The following PTPRM variants were observed in gnomAD, a reference collection of about 807,000 sequenced individuals.
The protein encoded by PTPRM is receptor-type tyrosine-protein phosphatase mu.
A neutral mutation model predicts 186.7 loss-of-function variants in PTPRM; 47 were observed. The ratio of observed to expected loss-of-function variants is 0.25; its 90% CI spans 0.20 to 0.32. PTPRM has a LOEUF of 0.32. PTPRM is among the 10% of genes least tolerant of loss of function. PTPRM has a pLI of 1.00. For synonymous variants in PTPRM, 668 were observed against 674.9 expected, an observed-to-expected ratio of 0.99 and a Z score of 0.16; for missense variants, 1,494 against 1,865.0, an observed-to-expected ratio of 0.80 and a Z score of 3.66.
chr18:8,310,038 A>G (rs1422201483), intron 20 of PTPRM, among the ~76,000 whole-genome samples: 1 of 152,018 alleles, frequency 6.6e-6, no homozygotes, highest in African/African-American at 2.4e-5. Context: ...CACCCACCCC[A>G]AGCTGGCTTT....
intron 11 of PTPRM, among the ~76,000 whole-genome samples, chr18:8,093,293 T>C (rs747600452): frequency 1.4e-4 from 21 of 152,108 alleles, no homozygotes; most frequent in Admixed American, 1.2e-3. Flanking sequence ...GAAGACTAAA[T>C]GAGGTGATAT....
intron 14 of PTPRM, among the ~76,000 whole-genome samples, chr18:8,183,432 T>C (rs1174997557): frequency 2.0e-5 from 3 of 152,188 alleles, no homozygotes; most frequent in Non-Finnish European, 2.9e-5. Context: ...TGCGATGACA[T>C]AAAGGAAGAG....
Position 7,907,560 on chromosome 18 carries a change from TG to T in PTPRM, c.547+979del, listed in dbSNP as rs147563405. ...AGACATTCTGCGCTGATTTGGGCCTTGGCATCTTTGGCCTTAGGTGCAAAGC... is the reference window on the plus strand; with the variant it reads ...AGACATTCTGCGCTGATTTGGGCCTTGCATCTTTGGCCTTAGGTGCAAAGC... On this transcript the variant is annotated intron_variant, in intron 4 of 32. Coordinates refer to ENST00000580170, the MANE Select transcript of PTPRM (RefSeq NM_001105244.2). 2.5e-3 allele frequency among the ~76,000 whole-genome samples: 376 copies of T among 152,294 alleles called. 2 individuals carry two copies. Among genetic ancestry groups the T allele is most frequent in the African/African-American group, 8.8e-3 (366 of 41,572 alleles).
intron 19 of PTPRM, among the ~76,000 whole-genome samples, chr18:8,276,041 C>T (rs890455645): frequency 6.6e-6 from 1 of 152,002 alleles, no homozygotes; most frequent in African/African-American, 2.4e-5. Context: ...GTCTTTGTTG[C>T]GGGCATCACT....
intron 32 of PTPRM, among the ~76,000 whole-genome samples, 165 bp from the exon 33 acceptor site, chr18:8,405,944 C>G (rs2095903883): frequency 6.6e-6 from 1 of 152,216 alleles, no homozygotes; most frequent in Non-Finnish European, 1.5e-5. Flanking sequence ...CATCTCCAAA[C>G]AGTGAATGTA....
chr18:7,579,827 CAT>C (rs1045480176), intron 1 of PTPRM, among the ~76,000 whole-genome samples: 16 of 152,278 alleles, frequency 1.1e-4, no homozygotes, highest in Admixed American at 8.5e-4. Context: ...TTCATTGAAA[CAT>C]GTGAACGTTG....
Position 7,901,999 on chromosome 18 carries a change from A to G in PTPRM, c.469-4506A>G, listed in dbSNP as rs115894290. ...AGTTGTTGCTTCAAACTTGTGACAC[A>G]AATGTATGACATAAGAAACTTTTGT... On this transcript the variant is annotated intron_variant, in intron 3 of 32. Coordinates refer to ENST00000580170, the MANE Select transcript of PTPRM (RefSeq NM_001105244.2). Among the ~76,000 whole-genome samples the G allele has an allele frequency of 1.0e-2, 1,523 of 152,342 alleles. 25 individuals carry two copies. Among genetic ancestry groups the G allele is most frequent in the African/African-American group, 0.035 (1,447 of 41,584 alleles).
chr18:7,587,232 A>G (rs1445383232), intron 1 of PTPRM, among the ~76,000 whole-genome samples: 1 of 152,194 alleles, frequency 6.6e-6, no homozygotes, highest in Non-Finnish European at 1.5e-5. Context: ...TCGATGAAAT[A>G]GTTCATTTAT....
intron 4 of PTPRM, among the ~76,000 whole-genome samples, 197 bp from the exon 5 acceptor site, chr18:7,926,371 T>A (rs2051173073): frequency 6.6e-6 from 1 of 152,208 alleles, no homozygotes; most frequent in African/African-American, 2.4e-5. Context: ...TTGTTATTCT[T>A]TTACACAACA....
chr18:8,398,846 A>T (rs909126995), intron 32 of PTPRM, among the ~76,000 whole-genome samples: 1 of 152,084 alleles, frequency 6.6e-6, no homozygotes, highest in Non-Finnish European at 1.5e-5. Context: ...GAAATGTTCA[A>T]AACAGACAAA....
intron 9 of PTPRM, among the ~76,000 whole-genome samples, chr18:8,083,189 G>T (rs1188256629): frequency 6.6e-6 from 1 of 152,008 alleles, no homozygotes; most frequent in African/African-American, 2.4e-5. Context: ...CTGCAGTCAG[G>T]GTGAACTCTT....
rs530822129 is a variant in PTPRM at position 8,203,143 on chromosome 18, A to G, written c.2301-40915A>G. ...AGTTGAGATTATTCTTGGGAAATGC[A>G]AGGAGGGACTCCCATCTGATTCAGT... On this transcript the variant is annotated intron_variant, in intron 14 of 32. Coordinates refer to ENST00000580170, the MANE Select transcript of PTPRM (RefSeq NM_001105244.2). Among the ~76,000 whole-genome samples, 13 of 152,340 alleles carry G rather than the reference A, an allele frequency of 8.5e-5. No individual in the cohort carries two copies. In the South Asian group the frequency reaches 2.7e-3, roughly 32 times the overall value.
intron 1 of PTPRM, among the ~76,000 whole-genome samples, chr18:7,696,915 T>TG (rs1292278714): frequency 1.3e-5 from 2 of 152,184 alleles, no homozygotes; most frequent in Non-Finnish European, 2.9e-5. Flanking sequence ...GGCCTGTCGA[T>TG]GGGGGTGTCT....
At chr18:7,678,906 C>T (rs1212151412) in intron 1 of PTPRM, among the ~76,000 whole-genome samples, 1 of 152,058 alleles carries the variant, frequency 6.6e-6, no homozygotes, top group Non-Finnish European at 1.5e-5. Flanking sequence ...TATCCGTATG[C>T]TGAGAGTGGG....
intron 2 of PTPRM, among the ~76,000 whole-genome samples, chr18:7,822,918 G>A (rs2045278598): frequency 6.6e-6 from 1 of 152,050 alleles, no homozygotes; most frequent in Non-Finnish European, 1.5e-5. Context: ...GCTCTCCGGG[G>A]AACATTTGTT....
chr18:8,077,366 C>T (rs183821320), intron 9 of PTPRM, among the ~76,000 whole-genome samples: 2 of 152,200 alleles, frequency 1.3e-5, no homozygotes, highest in East Asian at 3.9e-4. Flanking sequence ...GATGAGCTGT[C>T]AGACAGTGAT....
At chr18:7,646,652 C>T (rs1332382945) in intron 1 of PTPRM, among the ~76,000 whole-genome samples, 2 of 152,164 alleles carry the variant, frequency 1.3e-5, no homozygotes, top group South Asian at 2.1e-4. Context: ...GAGCCTTCCT[C>T]TGCTCTCCTG....
intron 2 of PTPRM, among the ~76,000 whole-genome samples, chr18:7,847,919 G>A (rs141989668): frequency 8.7e-4 from 132 of 152,240 alleles, no homozygotes; most frequent in Middle Eastern, 6.8e-3. Context: ...GCACACAGCC[G>A]GTATTTTCTG....
chr18:7,985,905 T>C (rs2082939809), intron 7 of PTPRM, among the ~76,000 whole-genome samples: 2 of 152,220 alleles, frequency 1.3e-5, no homozygotes, highest in Middle Eastern at 3.4e-3. Context: ...AGGTGGACTC[T>C]AGAATAGTTG....
Sources: allele counts gnomAD v4.1 joint callset (sites outside exome capture counted in the v4.1 genomes callset), GRCh38; gene constraint gnomAD v4.1.1; transcripts MANE v1.5; gene names NCBI Gene and HGNC (gene_info 2026-07-23, HGNC 2026-07-21).